Variants in TCHH observed in about 807,000 individuals in gnomAD.
The protein encoded by TCHH is trichohyalin.
Under a neutral mutation model 6.3 loss-of-function variants are expected in TCHH, and 6 were observed. The observed-to-expected ratio is 0.95, with a 90% CI of 0.52 to 1.88. The LOEUF (loss-of-function observed/expected upper bound fraction) is 1.88. Ranked by LOEUF, TCHH falls within the 40% of genes most tolerant of loss-of-function variation. TCHH has a pLI of 0.01. For synonymous variants in TCHH, 1,087 were observed against 963.6 expected, an observed-to-expected ratio of 1.13 and a Z score of -2.37; for missense variants, 2,920 against 2,449.1, an observed-to-expected ratio of 1.19 and a Z score of -4.06.
At position 152,107,681 on chromosome 1, in the gene TCHH, G is replaced by A. The variant is rs772096098; in HGVS notation, c.5536C>T (p.Arg1846Trp). The A allele has an allele frequency of 9.9e-6, 16 of 1,614,054 alleles. No homozygotes were observed. Among genetic ancestry groups the A allele is most frequent in the Admixed American group, 1.7e-5 (1 of 60,004 alleles). ...RLRQERDRQY[R>W]AEEQFATQEK... ...TGCGTGGCAAACTGCTCCTCCGCCC[G>A]GTACTGCCGGTCTCGCTCCTGCCGC... Residue 1846 changes from arginine to tryptophan, a missense_variant, in exon 3 of 3, where the codon CGG becomes TGG. Transcript: ENST00000614923.
In TCHH at chr1:152,108,521, C is replaced by T. The variant is rs1287283210; in HGVS notation, c.4696G>A (p.Glu1566Lys). Residue 1566 changes from glutamate to lysine, a missense_variant, in exon 3 of 3, where the codon GAG (glutamate) becomes AAG (lysine). Glu to Lys is a moderately conservative substitution (Grantham distance 56, BLOSUM62 1). Transcript: ENST00000614923. ...CGGCTCAGCTGCTGTTCCTCCCTCT[C>T]CTGGCGCAGCTGTTCCTCCTCGCGG... ...KFREEEQLRQEREEQQLSRQE... is the reference protein window; with the variant it reads ...KFREEEQLRQKREEQQLSRQE... The T allele has an allele frequency of 4.4e-6, 7 of 1,604,174 alleles. No homozygotes were observed. The highest frequency in any genetic ancestry group is 4.6e-5 in the East Asian group (2 of 43,126).
rs778257518 is a variant in TCHH at position 152,107,458 on chromosome 1, A to G, written c.5759T>C (p.Phe1920Ser). ...GCTGGAGCGCACTGGGACACTGGCA[A>G]ACTGATGAGTGCCGGGCTCCAGAAG... ...GRLLEPGTHQ[F>S]ASVPVRSSPL... Residue 1920 changes from phenylalanine (F) to serine (S), a missense_variant, in exon 3 of 3, where the codon TTT becomes TCT. Coordinates refer to ENST00000614923, the MANE Select transcript of TCHH (RefSeq NM_007113.4). The G allele has an allele frequency of 6.2e-7, 1 of 1,613,946 alleles. No homozygotes were observed. Among genetic ancestry groups the G allele is most frequent in the Non-Finnish European group, 8.5e-7 (1 of 1,179,920 alleles).
In TCHH at chr1:152,110,283, C is replaced by T. The variant is rs372164059; in HGVS notation, c.2934G>A (p.Pro978=). The change falls in exon 3 of 3, where the codon CCG becomes CCA. Residue 978 remains proline (P), a synonymous_variant. Transcript: ENST00000614923. ...CCCGCTCCTGGCGCCTTCTCTTCTC[C>T]GGTTCCTCTCCCAGCAGCTGCTCTT... The part of the protein sequence containing the change: ...QKEEQLLGEE[P]EKRRRQEREK... The T allele has an allele frequency of 7.8e-5, 125 of 1,610,994 alleles. No homozygotes were observed. Among genetic ancestry groups the T allele is most frequent in the Non-Finnish European group, 1.0e-4 (119 of 1,178,872 alleles).
Position 152,112,850 on chromosome 1 carries a change from C to G in TCHH, c.367G>C (p.Glu123Gln), listed in dbSNP as rs746781142. 3.1e-6 allele frequency: 5 copies of G among 1,613,736 alleles called. No individual in the cohort carries two copies. The highest frequency in any genetic ancestry group is 1.3e-5 in the African/African-American group (1 of 74,788). The change falls in exon 3 of 3, where the codon GAG (glutamate) becomes CAG (glutamine). Residue 123 changes from glutamate (E) to glutamine (Q), a missense_variant. By Grantham distance (29) the Glu-to-Gln change is conservative. Coordinates refer to ENST00000614923, the MANE Select transcript of TCHH (RefSeq NM_007113.4). ...TCTTCCAGTTGTCTGTCCCGGGGCT[C>G]GAATCTCCTTTGGTCTTCTTCTTGC... ...RRQEEDQRRFEPRDRQLEEEP... is the reference protein window; with the variant it reads ...RRQEEDQRRFQPRDRQLEEEP...
In TCHH at chr1:152,111,674, G is replaced by C; in HGVS notation, c.1543C>G (p.Arg515Gly). 6.4e-7 allele frequency: 1 copy of C among 1,569,538 alleles called. No individual in the cohort carries two copies. Among genetic ancestry groups the C allele is most frequent in the South Asian group, 1.1e-5 (1 of 89,166 alleles). The change falls in exon 3 of 3, where the codon CGC becomes GGC. Residue 515 changes from arginine (R) to glycine (G), a missense_variant. Coordinates refer to ENST00000614923, the MANE Select transcript of TCHH (RefSeq NM_007113.4). Reference sequence around the variant, plus strand: ...TCCTGGCGCTTCAGCCGCTGCTCGCGCCTCTCCTCTTGCTCCCGCCTTAGT... The same window carrying C: ...TCCTGGCGCTTCAGCCGCTGCTCGCCCCTCTCCTCTTGCTCCCGCCTTAGT... ...QQLRREQEER[R>G]EQRLKRQEEE... is the part of the protein sequence containing the mutation.
Position 152,109,004 on chromosome 1 carries a change from C to T in TCHH, c.4213G>A (p.Glu1405Lys), listed in dbSNP as rs972212297. The T allele has an allele frequency of 2.5e-6, 4 of 1,610,844 alleles. No individual in the cohort carries two copies. The highest frequency in any genetic ancestry group is 1.1e-5 in the South Asian group (1 of 90,880). The change falls in exon 3 of 3, where the codon GAG (glutamate) becomes AAG (lysine). Residue 1405 changes from glutamate (E) to lysine (K), a missense_variant. Physicochemically the swap from Glu to Lys is moderately conservative, Grantham distance 56 (BLOSUM62 1). Coordinates refer to ENST00000614923, the MANE Select transcript of TCHH (RefSeq NM_007113.4). ...TCGCGGTCCTGACGCAGCTGTTGCT[C>T]GCGCTCCTGGCAGCGCAGCTGCTGT... is the stretch of plus-strand genomic sequence containing the variant. Reference protein sequence around the residue: ...EEQQLRCQEREQQLRQDRDRK... With the variant: ...EEQQLRCQERKQQLRQDRDRK...
rs370965078 is a variant in TCHH at position 152,110,729 on chromosome 1, C to T, written c.2488G>A (p.Glu830Lys). 3.7e-6 allele frequency: 6 copies of T among 1,610,516 alleles called. No homozygotes were observed. In the African/African-American group the frequency reaches 8.0e-5, roughly 21 times the overall value. ...TCCTCTTCCTCCAGGAACTGCAGCTCTTTCTCCCTCTCGCGTCGCTGGCGG... is the reference window on the plus strand; with the variant it reads ...TCCTCTTCCTCCAGGAACTGCAGCTTTTTCTCCCTCTCGCGTCGCTGGCGG... ...RRRQRREREK[E>K]LQFLEEEEQL... Residue 830 changes from glutamate to lysine, a missense_variant, in exon 3 of 3, where the codon GAG (glutamate) becomes AAG (lysine). Physicochemically the swap from Glu to Lys is moderately conservative, Grantham distance 56 (BLOSUM62 1). Transcript: ENST00000614923.
rs755103476 is a variant in TCHH, at chr1:152,108,827, G to T, written c.4390C>A (p.Arg1464Ser). 1.2e-6 allele frequency: 2 copies of T among 1,612,496 alleles called. No homozygotes were observed. The highest frequency in any genetic ancestry group is 2.2e-5 in the South Asian group (2 of 90,974). The change falls in exon 3 of 3, where the codon CGC (arginine) becomes AGC (serine). Residue 1464 changes from arginine to serine, a missense_variant. Physicochemically the swap from Arg to Ser is moderately radical, Grantham distance 110 (BLOSUM62 -1). Transcript: ENST00000614923. ...TCCTGGAGCAGCTGTTCCTCTTCGC[G>T]GAATTTTCTGTGACGCTCCTGGCGC... ...QLRQERHRKFREEEQLLQERE... is the reference protein window; with the variant it reads ...QLRQERHRKFSEEEQLLQERE...
chr1:152,110,388 C>A lies in TCHH; in HGVS notation c.2829G>T (p.Leu943=), dbSNP rs1446813562. 3.7e-6 allele frequency: 6 copies of A among 1,613,900 alleles called. No homozygotes were observed. Among genetic ancestry groups the A allele is most frequent in the Non-Finnish European group, 3.4e-6 (4 of 1,179,982 alleles). The change falls in exon 3 of 3, where the codon CTG becomes CTT. Residue 943 remains leucine (L), a synonymous_variant. Transcript: ENST00000614923. The part of the protein sequence containing the change: ...EEQLQQEEEQ[L]LREEREKRRR... ...TTCTTTTCTCCCGTTCCTCTCTCAG[C>A]AGCTGCTCTTCCTCCTGCTGCAGCT...
Position 152,112,575 on chromosome 1 carries a change from C to T in TCHH, c.642G>A (p.Glu214=). ...GGCCCTTCCTCCTCAGCTCCAGCAG[C>T]TCCCGCCTTCGCAGTTGCTCTTCGT... The part of the protein sequence containing the change: ...FPDEEQLRRR[E]LLELRRKGRE... The change falls in exon 3 of 3, where the codon GAG becomes GAA. Residue 214 remains glutamate, a synonymous_variant. Transcript: ENST00000614923. 1 of 1,613,642 alleles carries T rather than the reference C, an allele frequency of 6.2e-7. No homozygotes were observed. Among genetic ancestry groups the T allele is most frequent in the Non-Finnish European group, 8.5e-7 (1 of 1,180,020 alleles).
rs1370536954 is a variant in TCHH at position 152,111,426 on chromosome 1, C to T, written c.1791G>A (p.Arg597=). The change falls in exon 3 of 3, where the codon AGG becomes AGA. Residue 597 remains arginine (R), a synonymous_variant. Transcript: ENST00000614923. The part of the protein sequence containing the change: ...QQRLKREQEE[R]LEQRLKREEV... Reference sequence around the variant, plus strand: ...CCTCGCGCTTCAGTCGCTGCTCGAGCCTCTCTTCCTGCTCGCGCTTCAGCC... The same window carrying T: ...CCTCGCGCTTCAGTCGCTGCTCGAGTCTCTCTTCCTGCTCGCGCTTCAGCC... 3.1e-6 allele frequency: 5 copies of T among 1,611,476 alleles called. No homozygotes were observed. Among genetic ancestry groups the T allele is most frequent in the Middle Eastern group, 1.6e-4 (1 of 6,072 alleles).
chr1:152,110,735 C>A lies in TCHH; in HGVS notation c.2482G>T (p.Glu828Ter). ...EQRRRQRREREKELQFLEEEE... is the reference protein window; with the variant it reads ...EQRRRQRRER ...TCCTCCAGGAACTGCAGCTCTTTCT[C>A]CCTCTCGCGTCGCTGGCGGCGCCGC... The change falls in exon 3 of 3, where the codon GAG (glutamate) becomes TAG (stop). Residue 828 changes from glutamate to a stop codon, truncating the protein, a stop_gained. Coordinates refer to ENST00000614923, the MANE Select transcript of TCHH (RefSeq NM_007113.4). LOFTEE classifies it low-confidence loss of function (END_TRUNC). 6.2e-7 allele frequency: 1 copy of A among 1,610,198 alleles called. No homozygotes were observed. The highest frequency in any genetic ancestry group is 8.5e-7 in the Non-Finnish European group (1 of 1,179,944).
chr1:152,108,070 A>G lies in TCHH; in HGVS notation c.5147T>C (p.Leu1716Pro). 2 of 1,610,488 alleles carry G rather than the reference A, an allele frequency of 1.2e-6. No individual in the cohort carries two copies. Among genetic ancestry groups the G allele is most frequent in the Non-Finnish European group, 1.7e-6 (2 of 1,179,422 alleles). The change falls in exon 3 of 3, where the codon CTG becomes CCG. Residue 1716 changes from leucine (L) to proline (P), a missense_variant. Transcript: ENST00000614923. Reference protein sequence around the residue: ...ERKFLQEEQQLRRQELERKFR... With the variant: ...ERKFLQEEQQPRRQELERKFR... ...TTTTCTCTCCAGTTCCTGGCGGCGC[A>G]GCTGCTGTTCCTCCTGGAGGAATTT...
Position 152,111,382 on chromosome 1 carries a change from T to C in TCHH, c.1835A>G (p.Gln612Arg), listed in dbSNP as rs771560706. Residue 612 changes from glutamine (Q) to arginine (R), a missense_variant, in exon 3 of 3, where the codon CAG becomes CGG. Gln to Arg is a conservative substitution (Grantham distance 43). Transcript: ENST00000614923. Reference protein sequence around the residue: ...LKREEVERLEQEERREQRLKR... With the variant: ...LKREEVERLEREERREQRLKR... Reference sequence around the variant, plus strand: ...CAGCCGCTGCTCGCGCCTCTCCTCCTGCTCGAGTCTCTCCACCTCCTCGCG... The same window carrying C: ...CAGCCGCTGCTCGCGCCTCTCCTCCCGCTCGAGTCTCTCCACCTCCTCGCG... 7.3e-5 allele frequency: 118 copies of C among 1,611,050 alleles called. No homozygotes were observed. Among genetic ancestry groups the C allele is most frequent in the Non-Finnish European group, 9.2e-5 (108 of 1,179,296 alleles).
chr1:152,112,395 T>G lies in TCHH; in HGVS notation c.822A>C (p.Glu274Asp). 6.2e-7 allele frequency: 1 copy of G among 1,613,696 alleles called. No homozygotes were observed. The highest frequency in any genetic ancestry group is 8.5e-7 in the Non-Finnish European group (1 of 1,179,964). Reference sequence around the variant, plus strand: ...GCTCCAGCTTCCGTAGCTGCTCTTCTTCCTCCTGGAGCTCTCTTTGCCGCT... The same window carrying G: ...GCTCCAGCTTCCGTAGCTGCTCTTCGTCCTCCTGGAGCTCTCTTTGCCGCT... ...EPQRQRELQE[E>D]EEQLRKLERQ... The change falls in exon 3 of 3, where the codon GAA (glutamate) becomes GAC (aspartate). Residue 274 changes from glutamate (E) to aspartate (D), a missense_variant. Coordinates refer to ENST00000614923, the MANE Select transcript of TCHH (RefSeq NM_007113.4).
At position 152,111,261 on chromosome 1, in the gene TCHH, C is replaced by G; in HGVS notation, c.1956G>C (p.Gln652His). 1 of 1,605,680 alleles carries G rather than the reference C, an allele frequency of 6.2e-7. No homozygotes were observed. Among genetic ancestry groups the G allele is most frequent in the Non-Finnish European group, 8.5e-7 (1 of 1,175,106 alleles). ...RRQQQLRREQ[Q>H]ERREQRLKRE... The stretch of plus-strand genomic sequence containing the variant: ...GCTTCAGCCGCTGCTCGCGCCTTTC[C>G]TGCTGCTCGCGCCTTAGTTGCTGCT... The change falls in exon 3 of 3, where the codon CAG (glutamine) becomes CAC (histidine). Residue 652 changes from glutamine (Q) to histidine (H), a missense_variant. Coordinates refer to ENST00000614923, the MANE Select transcript of TCHH (RefSeq NM_007113.4).
At position 152,109,705 on chromosome 1, in the gene TCHH, C is replaced by G; in HGVS notation, c.3512G>C (p.Arg1171Pro). 1 of 1,607,556 alleles carries G rather than the reference C, an allele frequency of 6.2e-7. No homozygotes were observed. The stretch of plus-strand genomic sequence containing the variant: ...CTCCTGCTGCAGCTCCTCTTCCTCG[C>G]GGTATTGCCTCTCCAGCTCCTGGCG... Reference protein sequence around the residue: ...RRRQELERQYREEEELQQEEE... With the variant: ...RRRQELERQYPEEEELQQEEE... The change falls in exon 3 of 3, where the codon CGC (arginine) becomes CCC (proline). Residue 1171 changes from arginine to proline, a missense_variant. Coordinates refer to ENST00000614923, the MANE Select transcript of TCHH (RefSeq NM_007113.4).
At position 152,108,160 on chromosome 1, in the gene TCHH, C is replaced by T. The variant is rs1337828226; in HGVS notation, c.5057G>A (p.Arg1686His). 7.4e-6 allele frequency: 12 copies of T among 1,613,226 alleles called. No homozygotes were observed. The highest frequency in any genetic ancestry group is 1.7e-5 in the Admixed American group (1 of 59,952). Residue 1686 changes from arginine (R) to histidine (H), a missense_variant, in exon 3 of 3, where the codon CGC (arginine) becomes CAC (histidine). Physicochemically the swap from Arg to His is conservative, Grantham distance 29. Transcript: ENST00000614923. ...LQEGEEQQLRRQERDRKFREE... is the reference protein window; with the variant it reads ...LQEGEEQQLRHQERDRKFREE... ...GCGGAATTTTCTGTCACGCTCTTGG[C>T]GGCGCAGCTGCTGTTCCTCCCCTTC...
chr1:152,111,405 G>C lies in TCHH; in HGVS notation c.1812C>G (p.Arg604=). 1 of 1,598,460 alleles carries C rather than the reference G, an allele frequency of 6.3e-7. No individual in the cohort carries two copies. The highest frequency in any genetic ancestry group is 8.5e-7 in the Non-Finnish European group (1 of 1,176,184). Residue 604 remains arginine (R), a synonymous_variant, in exon 3 of 3, where the codon CGC becomes CGG. Transcript: ENST00000614923. ...QEERLEQRLK[R]EEVERLEQEE... Reference sequence around the variant, plus strand: ...CCTGCTCGAGTCTCTCCACCTCCTCGCGCTTCAGTCGCTGCTCGAGCCTCT... The same window carrying C: ...CCTGCTCGAGTCTCTCCACCTCCTCCCGCTTCAGTCGCTGCTCGAGCCTCT...
Sources: allele counts gnomAD v4.1 joint callset, GRCh38; gene constraint gnomAD v4.1.1; transcripts MANE v1.5; gene names NCBI Gene and HGNC (gene_info 2026-07-23, HGNC 2026-07-21).